PRMT9: variants seen among roughly 807,000 people sequenced by gnomAD.
The protein encoded by PRMT9 is protein arginine methyltransferase 9.
PRMT9 carries 59 observed loss-of-function variants against 83.2 expected under a neutral mutation model. The observed-to-expected ratio is 0.71, with a 90% CI of 0.57 to 0.88. The LOEUF is 0.88. Ranked by LOEUF, PRMT9 falls within the 40% of genes least tolerant of loss-of-function variation. PRMT9 has a pLI of 0.00. For missense variants in PRMT9, 947 were observed against 1,021.9 expected (o/e 0.93, Z 1.00); for synonymous variants, 333 against 353.2 (o/e 0.94, Z 0.64).
chr4:147,663,465 A>C (rs539440717), intron 6 of PRMT9, among the ~76,000 whole-genome samples: 2 of 152,122 alleles, frequency 1.3e-5, no homozygotes, highest in South Asian at 4.2e-4. Context: ...TACCAGGCTC[A>C]AGCAATTCTC....
intron 1 of PRMT9, among the ~76,000 whole-genome samples, chr4:147,682,269 T>G (rs1424631161): frequency 1.3e-5 from 2 of 152,120 alleles, no homozygotes; most frequent in Non-Finnish European, 2.9e-5. Flanking sequence ...AACCTCTGCC[T>G]CCCAGGTTCA....
At chr4:147,683,040 G>A (rs1235309244) in intron 1 of PRMT9, among the ~76,000 whole-genome samples, 1 of 152,060 alleles carries the variant, frequency 6.6e-6, no homozygotes, top group Non-Finnish European at 1.5e-5. Context: ...GATTCTAAAA[G>A]TACTTCAAAA....
At position 147,659,047 on chromosome 4, in the gene PRMT9, C is replaced by T. The variant is rs766930378; in HGVS notation, c.1147-1072G>A. Among the ~76,000 whole-genome samples, 4 of 151,974 alleles carry T rather than the reference C, an allele frequency of 2.6e-5. No homozygotes were observed. The East Asian group carries it at 5.8e-4, about 22-fold the overall frequency. ...ACAAAAAAGTAGTCGGGCATGGTGG[C>T]GGGCACCTGTAGTCCCAGCTACTCG... is the stretch of plus-strand genomic sequence containing the variant. On this transcript the variant is annotated intron_variant, in intron 7 of 11. Transcript: ENST00000322396.
chr4:147,645,623 C>G (rs1733677005), intron 9 of PRMT9, among the ~76,000 whole-genome samples: 1 of 152,116 alleles, frequency 6.6e-6, no homozygotes, highest in Non-Finnish European at 1.5e-5. Flanking sequence ...AAACAATAAT[C>G]TAGTGTTCTC....
rs574321640 is a variant in PRMT9, at chr4:147,659,006, C to T, written c.1147-1031G>A. ...CATCCTGGCTAACACGGTGAAACCC[C>T]GTCTCTACTAAAAATACAAAAAAGT... On this transcript the variant is annotated intron_variant, in intron 7 of 11. Transcript: ENST00000322396. Among the ~76,000 whole-genome samples the T allele has an allele frequency of 1.2e-4, 18 of 152,110 alleles. No homozygotes were observed. In the East Asian group the frequency reaches 2.5e-3, roughly 21 times the overall value.
chr4:147,676,689 C>G (rs1003186054), intron 2 of PRMT9, among the ~76,000 whole-genome samples: 3 of 152,172 alleles, frequency 2.0e-5, no homozygotes, highest in Non-Finnish European at 4.4e-5. Context: ...AGTTACATTA[C>G]TGAGACTAGC....
At chr4:147,656,169 T>C (rs993395352) in intron 8 of PRMT9, among the ~76,000 whole-genome samples, 3 of 152,144 alleles carry the variant, frequency 2.0e-5, no homozygotes, top group Admixed American at 6.5e-5. Flanking sequence ...AAAAACAACA[T>C]ACTGGCTACA....
At chr4:147,670,157 GT>G (rs1360594686) in intron 5 of PRMT9, among the ~76,000 whole-genome samples, 1 of 104,010 alleles carries the variant, frequency 9.6e-6, no homozygotes, top group Non-Finnish European at 1.9e-5. Flanking sequence ...GTTAGTAAAT[GT>G]TTTTATGTTG....
intron 6 of PRMT9, among the ~76,000 whole-genome samples, chr4:147,668,007 GACCAGTGT>G (rs1261252216): frequency 8.2e-6 from 1 of 121,566 alleles, no homozygotes. Context: ...AAAAAAATAA[GACCAGTGT>G]AAGCAGCATG....
intron 5 of PRMT9, 56 bp from the exon 6 acceptor site, chr4:147,668,701 C>T: frequency 2.1e-6 from 2 of 964,990 alleles, no homozygotes; most frequent in Non-Finnish European, 1.7e-6. Flanking sequence ...AATGTGTGTG[C>T]ATAATGATAA....
At chr4:147,677,114 CATGTA>C (rs1736140582) in intron 2 of PRMT9, among the ~76,000 whole-genome samples, 1 of 148,440 alleles carries the variant, frequency 6.7e-6, no homozygotes, top group South Asian at 2.1e-4. Flanking sequence ...AATTACTGAA[CATGTA>C]AAGGGATCTT....
At chr4:147,642,263 C>T (rs1454856048) in intron 10 of PRMT9, among the ~76,000 whole-genome samples, 1 of 151,042 alleles carries the variant, frequency 6.6e-6, no homozygotes, top group East Asian at 1.9e-4. Flanking sequence ...TTTTGAGATG[C>T]AGTCTCGCTC....
intron 2 of PRMT9, 117 bp downstream of exon 2, chr4:147,680,206 A>G (rs574457867): frequency 5.2e-6 from 5 of 964,750 alleles, no homozygotes; most frequent in Admixed American, 1.9e-5. Flanking sequence ...ATTCTTTTCA[A>G]TTCTCCTTAA....
rs777719111 is a variant in PRMT9, at chr4:147,642,855, C to G, written c.2131G>C (p.Glu711Gln). 1.9e-6 allele frequency: 3 copies of G among 1,613,668 alleles called. No individual in the cohort carries two copies. Among genetic ancestry groups the G allele is most frequent in the Non-Finnish European group, 2.5e-6 (3 of 1,179,556 alleles). The change falls in exon 10 of 12, where the codon GAG (glutamate) becomes CAG (glutamine). Residue 711 changes from glutamate to glutamine, a missense_variant. Transcript: ENST00000322396. ...LLVESQTLLE[E>Q]NAVQGTERTL... ...CGTTCTGTTCCTTGAACAGCATTCTCCTCTAGGAGTGTCTGTGATTCCACA... is the reference window on the plus strand; with the variant it reads ...CGTTCTGTTCCTTGAACAGCATTCTGCTCTAGGAGTGTCTGTGATTCCACA...
intron 2 of PRMT9, among the ~76,000 whole-genome samples, chr4:147,679,785 A>G (rs139781192): frequency 1.4e-4 from 22 of 152,266 alleles, no homozygotes; most frequent in African/African-American, 5.1e-4. Flanking sequence ...CTGTAGCAAG[A>G]AAGAGTTTTG....
rs1734308450 is a variant in PRMT9, at chr4:147,654,054, G to C, written c.1843C>G (p.His615Asp). The stretch of plus-strand genomic sequence containing the variant: ...GATATGAGGTCCAGAGCAATACGAT[G>C]CTGGTCTTTCTCCACAGAACTGTAT... ...KPYSSVEKDQ[H>D]RIALDLISEA... Residue 615 changes from histidine to aspartate, a missense_variant, in exon 9 of 12, where the codon CAT becomes GAT. Physicochemically the swap from His to Asp is moderately conservative, Grantham distance 81. Coordinates refer to ENST00000322396, the MANE Select transcript of PRMT9 (RefSeq NM_138364.4). The C allele has an allele frequency of 1.2e-6, 2 of 1,614,114 alleles. No individual in the cohort carries two copies. The highest frequency in any genetic ancestry group is 4.5e-5 in the East Asian group (2 of 44,904).
At chr4:147,649,044 G>T (rs1228290123) in intron 9 of PRMT9, among the ~76,000 whole-genome samples, 2 of 151,990 alleles carry the variant, frequency 1.3e-5, no homozygotes, top group East Asian at 3.9e-4. Flanking sequence ...CATGCCTTCA[G>T]CAATGAAAAA....
In PRMT9 at chr4:147,673,837, T is replaced by C. The variant is rs761082081; in HGVS notation, c.376A>G (p.Lys126Glu). 2 of 1,614,178 alleles carry C rather than the reference T, an allele frequency of 1.2e-6. No homozygotes were observed. The highest frequency in any genetic ancestry group is 1.7e-6 in the Non-Finnish European group (2 of 1,179,992). The change falls in exon 3 of 12, where the codon AAA becomes GAA. Residue 126 changes from lysine (K) to glutamate (E), a missense_variant. Coordinates refer to ENST00000322396, the MANE Select transcript of PRMT9 (RefSeq NM_138364.4). ...AAATCAGGGTTTAGCTTCACTGCTT[T>C]ATGAAAATACCCAGCTGCTTCATCC... The part of the protein sequence containing the change: ...FRDEAAGYFH[K>E]AVKLNPDFSD...
At chr4:147,666,690 C>G (rs920757465) in intron 6 of PRMT9, among the ~76,000 whole-genome samples, 2 of 152,016 alleles carry the variant, frequency 1.3e-5, no homozygotes, top group Non-Finnish European at 2.9e-5. Flanking sequence ...TTAAATTCAG[C>G]TGATTAGGTG....
Sources: allele counts gnomAD v4.1 joint callset (sites outside exome capture counted in the v4.1 genomes callset), GRCh38; gene constraint gnomAD v4.1.1; transcripts MANE v1.5; gene names NCBI Gene and HGNC (gene_info 2026-07-23, HGNC 2026-07-21).